The following ANXA8 variants were observed in gnomAD, a reference collection of about 807,000 sequenced individuals.
ANXA8 encodes VAC-beta.
Under a neutral mutation model 26.8 loss-of-function variants are expected in ANXA8, and 9 were observed. The observed-to-expected ratio is 0.34, with a 90% CI of 0.20 to 0.59. The LOEUF (loss-of-function observed/expected upper bound fraction) is 0.59. Among genes scored for constraint, ANXA8 ranks in the 20% least tolerant of loss-of-function variants. The pLI is 0.84. For missense variants in ANXA8, 83 were observed against 238.5 expected (o/e 0.35, Z 4.29); for synonymous variants, 39 against 94.8 (o/e 0.41, Z 3.42).
chr10:47,776,752 A>C, the ANXA8 span, among the ~76,000 whole-genome samples: 459 of 151,550 alleles, frequency 3.0e-3, 3 homozygotes, highest in South Asian at 0.014. Flanking sequence ...TGAGTAATAT[A>C]TTTGTGGAAT....
chr10:47,552,891 T>C, the ANXA8 span, among the ~76,000 whole-genome samples: 3 of 151,808 alleles, frequency 2.0e-5, no homozygotes, highest in African/African-American at 7.3e-5. Flanking sequence ...TCCAAACTAG[T>C]ATCTTCCGTG....
In ANXA8 at chr10:47,484,040, C is replaced by T; in HGVS notation, c.-107G>A. ...CTGCAGCTGAGGAGTGAGCAGGCCG[C>T]TCACTTGGGTGTGGGGGTGCAAGCC... On this transcript the variant is annotated 5_prime_UTR_variant, in exon 1 of 12. Transcript: ENST00000585281. 4 of 1,611,344 alleles carry T rather than the reference C, an allele frequency of 2.5e-6. No individual in the cohort carries two copies. The South Asian group carries it at 4.4e-5, about 18-fold the overall frequency.
At chr10:47,695,360 G>A in the ANXA8 span, among the ~76,000 whole-genome samples, 1 of 150,632 alleles carries the variant, frequency 6.6e-6, no homozygotes, top group African/African-American at 2.4e-5. Context: ...TGGGGCATGG[G>A]CACATTTAAG....
chr10:47,502,778 TCTTGC>T, the ANXA8 span: 1 of 1,570,858 alleles, frequency 6.4e-7, no homozygotes. Flanking sequence ...CTTTTACTGC[TCTTGC>T]ATGACTGCAG....
chr10:47,517,334 A>G, the ANXA8 span, among the ~76,000 whole-genome samples: 1,840 of 63,364 alleles, frequency 0.029, 1 homozygote, highest in Admixed American at 0.058. Flanking sequence ...GTGCAATGGC[A>G]CGATCTTGGC....
At chr10:47,717,996 TCAA>T in the ANXA8 span, among the ~76,000 whole-genome samples, 63 of 26,618 alleles carry the variant, frequency 2.4e-3, no homozygotes, top group African/African-American at 9.1e-3. Context: ...ATACTCTGTC[TCAA>T]AAAAAAAAAA....
chr10:47,979,299 A>T, the ANXA8 span, among the ~76,000 whole-genome samples: 1 of 151,694 alleles, frequency 6.6e-6, no homozygotes, highest in Non-Finnish European at 1.5e-5. Flanking sequence ...GATCTGAAAA[A>T]AACAGTAAAC....
chr10:47,596,994 A>G, the ANXA8 span, among the ~76,000 whole-genome samples: 2 of 149,144 alleles, frequency 1.3e-5, no homozygotes, highest in Non-Finnish European at 2.9e-5. Flanking sequence ...ATGAACATAG[A>G]TGAAAAAATC....
At chr10:47,553,695 C>G in the ANXA8 span, among the ~76,000 whole-genome samples, 4 of 150,876 alleles carry the variant, frequency 2.7e-5, no homozygotes, top group East Asian at 2.0e-4. Flanking sequence ...GCGTCCCTCC[C>G]GATTCAGCCC....
the ANXA8 span, among the ~76,000 whole-genome samples, chr10:47,626,092 G>A: frequency 1.3e-5 from 2 of 150,322 alleles, no homozygotes; most frequent in African/African-American, 5.0e-5. Flanking sequence ...CTGGTACTGA[G>A]GCAATGCAAA....
the ANXA8 span, among the ~76,000 whole-genome samples, chr10:47,707,550 C>G: frequency 7.1e-6 from 1 of 140,102 alleles, no homozygotes; most frequent in African/African-American, 2.5e-5. Context: ...CCATGCCCAG[C>G]TAATTTTTGT....
At chr10:47,565,165 G>C in the ANXA8 span, 1 of 724,102 alleles carries the variant, frequency 1.4e-6, no homozygotes, top group East Asian at 2.6e-5. Context: ...GCCCGAAGCT[G>C]CTGGCCGCCG....
chr10:47,495,193 A>AAAC, the ANXA8 span, among the ~76,000 whole-genome samples: 1 of 150,300 alleles, frequency 6.7e-6, no homozygotes, highest in Admixed American at 6.7e-5. Flanking sequence ...TATGGAGGGG[A>AAAC]AACAGAGAAA....
the ANXA8 span, chr10:47,986,704 C>T: frequency 1.3e-4 from 45 of 357,430 alleles, no homozygotes; most frequent in African/African-American, 5.6e-4. Flanking sequence ...GCTTCCACTG[C>T]TGCTGCGGAG....
At chr10:47,522,569 A>C in the ANXA8 span, among the ~76,000 whole-genome samples, 1 of 146,052 alleles carries the variant, frequency 6.8e-6, no homozygotes. Context: ...GCAGCCCATT[A>C]AGAATACCAT....
At chr10:47,985,779 C>A in the ANXA8 span, 6 of 150,556 alleles carry the variant, frequency 4.0e-5, no homozygotes, top group African/African-American at 1.5e-4. Context: ...TTCGCACCAA[C>A]CTAATACTAG....
the ANXA8 span, among the ~76,000 whole-genome samples, chr10:47,686,230 T>G: frequency 6.8e-6 from 1 of 147,286 alleles, no homozygotes; most frequent in African/African-American, 2.5e-5. Flanking sequence ...TATCACTTTT[T>G]TTTTTTTTTT....
chr10:47,499,066 A>C, the ANXA8 span, among the ~76,000 whole-genome samples: 211 of 141,562 alleles, frequency 1.5e-3, no homozygotes, highest in African/African-American at 5.1e-3. Flanking sequence ...TGTGCCACTG[A>C]AGTCCAACCT....
chr10:47,693,510 T>A, the ANXA8 span, among the ~76,000 whole-genome samples: 61 of 151,738 alleles, frequency 4.0e-4, 1 homozygote, highest in Non-Finnish European at 8.0e-4. Flanking sequence ...CAGGATGGTC[T>A]CGATATCCTC....
Sources: allele counts gnomAD v4.1 joint callset (sites outside exome capture counted in the v4.1 genomes callset), GRCh38; gene constraint gnomAD v4.1.1; transcripts MANE v1.5; gene names NCBI Gene and HGNC (gene_info 2026-07-23, HGNC 2026-07-21).